Variants in NEDD4 observed in about 807,000 individuals in gnomAD.
The protein encoded by NEDD4 is NEDD4 E3 ubiquitin protein ligase.
NEDD4 carries 99 observed loss-of-function variants against 144.9 expected under a neutral mutation model. That is an observed-to-expected ratio of 0.68 (90% CI 0.58 to 0.81). The LOEUF is 0.81. NEDD4 is among the 30% of genes least tolerant of loss of function. The probability of loss-of-function intolerance (pLI) is 0.00; values close to 1 mark genes in which losing one functional copy is unlikely to be tolerated. For missense variants in NEDD4, 985 were observed against 1,065.9 expected, an observed-to-expected ratio of 0.92 and a Z score of 1.06; for synonymous variants, 318 against 350.6, an observed-to-expected ratio of 0.91 and a Z score of 1.04.
At chr15:55,984,746 TCTC>T (rs1452453822) in intron 1 of NEDD4, among the ~76,000 whole-genome samples, 4 of 152,192 alleles carry the variant, frequency 2.6e-5, no homozygotes, top group African/African-American at 7.2e-5. Context: ...TCTCCAGACT[TCTC>T]CTATCCCCTC....
chr15:55,956,274 C>T (rs903917372), intron 2 of NEDD4, among the ~76,000 whole-genome samples: 2 of 152,258 alleles, frequency 1.3e-5, no homozygotes, highest in Non-Finnish European at 2.9e-5. Flanking sequence ...TTGCATTTTC[C>T]GTAACCTTGT....
chr15:55,836,245 A>G (rs1324325858), intron 24 of NEDD4, among the ~76,000 whole-genome samples: 4 of 152,014 alleles, frequency 2.6e-5, no homozygotes, highest in African/African-American at 7.2e-5. Flanking sequence ...TACATCATAC[A>G]TACCTTAATA....
chr15:55,985,760 TACACACACACAC>T (rs3049246), intron 1 of NEDD4, among the ~76,000 whole-genome samples: 6 of 148,324 alleles, frequency 4.0e-5, no homozygotes, highest in Non-Finnish European at 7.5e-5. Flanking sequence ...AGAGTACACA[TACACACACACAC>T]ACACACACAC....
intron 5 of NEDD4, among the ~76,000 whole-genome samples, chr15:55,898,999 A>G (rs2035828389): frequency 6.6e-6 from 1 of 152,206 alleles, no homozygotes; most frequent in South Asian, 2.1e-4. Context: ...TCTTTTTCCT[A>G]TTCATTAACA....
intron 1 of NEDD4, among the ~76,000 whole-genome samples, chr15:55,982,933 C>T (rs1207239972): frequency 6.6e-6 from 1 of 151,996 alleles, no homozygotes; most frequent in Non-Finnish European, 1.5e-5. Context: ...ACCAGCCTGG[C>T]CAACATGGTG....
At chr15:55,923,520 G>A (rs999331851) in intron 5 of NEDD4, among the ~76,000 whole-genome samples, 3 of 151,598 alleles carry the variant, frequency 2.0e-5, no homozygotes, top group East Asian at 1.9e-4. Flanking sequence ...GGTGGTGAGC[G>A]CCTGTGGTCC....
intron 5 of NEDD4, among the ~76,000 whole-genome samples, chr15:55,908,323 T>C (rs913559915): frequency 2.6e-5 from 4 of 152,258 alleles, no homozygotes; most frequent in Non-Finnish European, 5.9e-5. Flanking sequence ...TAATCAATTC[T>C]AGTGAATTTA....
intron 1 of NEDD4, among the ~76,000 whole-genome samples, chr15:55,990,694 G>C (rs763388292): frequency 5.3e-5 from 8 of 152,110 alleles, no homozygotes; most frequent in Non-Finnish European, 1.2e-4. Flanking sequence ...TGGAGTGTGG[G>C]AAACAGTGTT....
At chr15:55,924,530 C>T in intron 5 of NEDD4, 116 bp downstream of exon 5, 3 of 840,212 alleles carry the variant, frequency 3.6e-6, no homozygotes, top group Non-Finnish European at 5.8e-6. Flanking sequence ...TGCCCAGAGT[C>T]TCCATAACCA....
intron 1 of NEDD4, among the ~76,000 whole-genome samples, chr15:55,983,850 A>T (rs2037846993): frequency 6.6e-6 from 1 of 152,068 alleles, no homozygotes; most frequent in Non-Finnish European, 1.5e-5. Flanking sequence ...ACCTCAAGTG[A>T]TCCACCCATC....
Position 55,840,657 on chromosome 15 carries a change from A to T in NEDD4, c.1909T>A (p.Phe637Ile), listed in dbSNP as rs375831020. 1.1e-4 allele frequency: 178 copies of T among 1,614,006 alleles called. No individual in the cohort carries two copies. The highest frequency in any genetic ancestry group is 1.5e-4 in the Non-Finnish European group (173 of 1,180,000). ...GCCATTCCAGCTACCCGACCAATAA[A>T]CTTGAAGTAAGAGAGGTGATCTTCG... ...CNEDHLSYFK[F>I]IGRVAGMAVY... Residue 637 changes from phenylalanine to isoleucine, a missense_variant, in exon 20 of 29, where the codon TTT becomes ATT. Phe to Ile is a conservative substitution (Grantham distance 21, BLOSUM62 0). Transcript: ENST00000435532.
intron 2 of NEDD4, among the ~76,000 whole-genome samples, chr15:55,953,595 C>T (rs2037284418): frequency 6.6e-6 from 1 of 151,932 alleles, no homozygotes; most frequent in Admixed American, 6.6e-5. Context: ...GCACACGCCA[C>T]CGCACCCAGC....
intron 5 of NEDD4, among the ~76,000 whole-genome samples, chr15:55,887,311 A>C (rs2142109126): frequency 6.6e-6 from 1 of 152,282 alleles, no homozygotes; most frequent in East Asian, 1.9e-4. Context: ...GAAAATGGAG[A>C]CATTACAACT....
chr15:55,873,168 G>C (rs1473883273), intron 6 of NEDD4, among the ~76,000 whole-genome samples: 3 of 151,824 alleles, frequency 2.0e-5, no homozygotes, highest in South Asian at 2.1e-4. Context: ...TTTCTTTTCT[G>C]ATCCACTCAC....
rs200832080 is a variant in NEDD4, at chr15:55,889,469, A to AC, written c.292-15462dup. On this transcript the variant is annotated intron_variant, in intron 5 of 28. Transcript: ENST00000435532. ...TTATGTTAAGTGAAATAAGCAAGGC[A>AC]CAGAAAGACAAACTTCACATGTTCT... Among the ~76,000 whole-genome samples the AC allele has an allele frequency of 3.0e-3, 453 of 152,312 alleles. 3 individuals carry two copies. The highest frequency in any genetic ancestry group is 0.01 in the African/African-American group (429 of 41,576).
intron 5 of NEDD4, chr15:55,915,873 G>A: frequency 6.2e-7 from 1 of 1,613,968 alleles, no homozygotes; most frequent in Middle Eastern, 1.7e-4. Context: ...GACAGCTGTT[G>A]AAAGAAATCC....
chr15:55,870,916 T>C (rs1329266768), intron 7 of NEDD4, among the ~76,000 whole-genome samples: 3 of 152,174 alleles, frequency 2.0e-5, no homozygotes, highest in African/African-American at 2.4e-5. Context: ...GCTCTCTATA[T>C]AGATTTTTTG....
At chr15:55,856,062 C>T in intron 12 of NEDD4, 69 bp downstream of exon 12, 1 of 1,392,526 alleles carries the variant, frequency 7.2e-7, no homozygotes, top group Non-Finnish European at 1.0e-6. Context: ...CACACTCAAT[C>T]TTCCAAAAAA....
intron 12 of NEDD4, among the ~76,000 whole-genome samples, chr15:55,854,200 T>G (rs1460781457): frequency 6.6e-6 from 1 of 152,154 alleles, no homozygotes; most frequent in Non-Finnish European, 1.5e-5. Flanking sequence ...GTTGTCATTT[T>G]GAACCAGATA....
Sources: gnomAD v4.1 joint callset for allele counts (sites outside exome capture counted in the v4.1 genomes callset) on GRCh38, gnomAD v4.1.1 for gene constraint, MANE v1.5 for transcripts, NCBI Gene and HGNC (gene_info 2026-07-23, HGNC 2026-07-21) for gene names.